MBP: variants seen among roughly 807,000 people sequenced by gnomAD.
MBP encodes the protein myelin basic protein.
Under a neutral mutation model 35.8 loss-of-function variants are expected in MBP, and 16 were observed. That is an observed-to-expected ratio of 0.45 (90% CI 0.30 to 0.68). MBP has a LOEUF of 0.68. Ranked by LOEUF, MBP falls within the 30% of genes least tolerant of loss-of-function variation. MBP has a pLI of 0.08. For synonymous variants in MBP, 143 were observed against 159.6 expected, an observed-to-expected ratio of 0.90 and a Z score of 0.78; for missense variants, 380 against 404.7, an observed-to-expected ratio of 0.94 and a Z score of 0.52.
intron 2 of MBP, among the ~76,000 whole-genome samples, chr18:77,079,800 A>T (rs894091881): frequency 1.3e-5 from 2 of 152,178 alleles, no homozygotes; most frequent in African/African-American, 4.8e-5. Flanking sequence ...GAATAAATTC[A>T]GGTTCTGTGT....
At chr18:77,014,946 T>C (rs1167458975) in intron 4 of MBP, 1 of 984,174 alleles carries the variant, frequency 1.0e-6, no homozygotes, top group Non-Finnish European at 1.2e-6. Flanking sequence ...TTTAAAATTT[T>C]TGAAAGTGTT....
upstream of MBP, chr18:77,133,698 T>G (rs1977359073): frequency 6.6e-6 from 1 of 151,966 alleles, no homozygotes. Flanking sequence ...CCACACAGTT[T>G]GTTAGGAAGT....
At chr18:77,067,415 G>A (rs60967465) in intron 2 of MBP, among the ~76,000 whole-genome samples, 8,149 of 152,238 alleles carry the variant, frequency 0.054, 234 homozygotes, top group South Asian at 0.11. Flanking sequence ...ATGTCGGCAC[G>A]CACAGACTGC....
intron 1 of MBP, among the ~76,000 whole-genome samples, chr18:77,116,815 C>T (rs745707254): frequency 6.6e-6 from 1 of 151,828 alleles, no homozygotes; most frequent in African/African-American, 2.4e-5. Context: ...GGCACTGAGT[C>T]GAGATTGGGC....
chr18:77,014,747 G>A (rs1385329508), intron 4 of MBP: 10 of 985,268 alleles, frequency 1.0e-5, no homozygotes, highest in East Asian at 2.3e-4. Context: ...TCCCCACTGC[G>A]TGCGCTCCCC....
rs569525620 is a variant in MBP, at chr18:77,008,427, C to T, written c.576+8405G>A. The stretch of plus-strand genomic sequence containing the variant: ...TGTTTTCCATCACCAAGAGAGCCCT[C>T]GAAAACCAAGTGCGGCTTCACAACC... On this transcript the variant is annotated intron_variant, in intron 4 of 8. Coordinates refer to ENST00000355994, the MANE Select transcript of MBP (RefSeq NM_001025101.2). 2.0e-4 allele frequency among the ~76,000 whole-genome samples: 30 copies of T among 152,278 alleles called. 1 individual carries two copies. In the South Asian group the frequency reaches 5.8e-3, roughly 29 times the overall value.
intron 4 of MBP, among the ~76,000 whole-genome samples, chr18:77,001,557 A>G (rs879746315): frequency 6.6e-6 from 1 of 152,214 alleles, no homozygotes; most frequent in Non-Finnish European, 1.5e-5. Context: ...ACTTAAGAAA[A>G]TGCCCGTAAG....
intron 1 of MBP, among the ~76,000 whole-genome samples, chr18:77,118,307 C>T (rs943104210): frequency 6.6e-6 from 1 of 151,862 alleles, no homozygotes; most frequent in Admixed American, 6.6e-5. Context: ...GGCCTCAGCC[C>T]GACTGCTTGG....
intron 3 of MBP, among the ~76,000 whole-genome samples, chr18:77,041,000 C>T (rs1447189468): frequency 6.6e-6 from 1 of 151,764 alleles, no homozygotes; most frequent in Non-Finnish European, 1.5e-5. Context: ...AGGCAACCTA[C>T]AGAATGGGAG....
rs938560042 is a variant in MBP, at chr18:77,131,849, C to A, written c.-26+731G>T. ...GGGAAGACCCGGGCGGGCCGGCGGG[C>A]GGCTGCGGGCGGCGCACGTGGGCCC... On this transcript the variant is annotated intron_variant, in intron 1 of 8. Coordinates refer to ENST00000355994, the MANE Select transcript of MBP (RefSeq NM_001025101.2). The surrounding 1 kb of genome is among the most constrained non-coding windows in gnomAD (Gnocchi z 5.5). Among the ~76,000 whole-genome samples, 11 of 152,098 alleles carry A rather than the reference C, an allele frequency of 7.2e-5. No homozygotes were observed. Among genetic ancestry groups the A allele is most frequent in the African/African-American group, 2.6e-4 (11 of 41,524 alleles).
At chr18:77,074,904 C>G (rs1323709406) in intron 2 of MBP, among the ~76,000 whole-genome samples, 1 of 152,200 alleles carries the variant, frequency 6.6e-6, no homozygotes, top group East Asian at 1.9e-4. Context: ...TAGAAAATTA[C>G]AGACAAAAGT....
Position 76,987,527 on chromosome 18 carries a change from TTC to T in MBP, c.750+966_750+967del, listed in dbSNP as rs1309512764. ...CCTCTCTTCCTTCCTCTTCCCCACC[TTC>T]TGTTTTCTTTCCCTGTTCTTTCTTC... On this transcript the variant is annotated intron_variant, in intron 7 of 8. Transcript: ENST00000355994. 14 of 985,746 alleles carry T rather than the reference TTC, an allele frequency of 1.4e-5. No homozygotes were observed. In the East Asian group the frequency reaches 6.8e-4, roughly 48 times the overall value. 61.1% of individuals were successfully genotyped at this position (985,746 alleles called of 1,614,324 possible).
At chr18:77,098,719 G>A (rs1248118321) in intron 2 of MBP, among the ~76,000 whole-genome samples, 1 of 152,186 alleles carries the variant, frequency 6.6e-6, no homozygotes, top group Non-Finnish European at 1.5e-5. Context: ...GCTTGGGAGG[G>A]CTTTGAGGCA....
intron 2 of MBP, among the ~76,000 whole-genome samples, chr18:77,081,794 GTA>G (rs1491478565): frequency 4.1e-5 from 2 of 49,046 alleles, no homozygotes; most frequent in Non-Finnish European, 8.8e-5. Flanking sequence ...ACACACACAC[GTA>G]TATATATATG....
intron 2 of MBP, among the ~76,000 whole-genome samples, chr18:77,100,458 C>T (rs1397114774): frequency 6.6e-6 from 1 of 152,026 alleles, no homozygotes; most frequent in African/African-American, 2.4e-5. Flanking sequence ...AAGTCCCTGG[C>T]TCACAGGAGG....
chr18:76,999,311 C>G (rs967133805), intron 4 of MBP, among the ~76,000 whole-genome samples: 7 of 152,116 alleles, frequency 4.6e-5, no homozygotes, highest in South Asian at 2.1e-4. Flanking sequence ...GGGCCAGCCT[C>G]GCAACCTCCG....
intron 4 of MBP, among the ~76,000 whole-genome samples, chr18:76,997,901 C>T (rs1018658597): frequency 2.6e-5 from 4 of 151,918 alleles, no homozygotes; most frequent in Non-Finnish European, 4.4e-5. Flanking sequence ...CCAGGATGGT[C>T]TCGATCTCCT....
In MBP at chr18:76,995,043, A is replaced by G. The variant is rs559722614; in HGVS notation, c.577-4983T>C. ...ACTAAAAGGACATTTAGTCAATTAT[A>G]TATCTACATCCAAGTAATGAACAAT... On this transcript the variant is annotated intron_variant, in intron 4 of 8. Transcript: ENST00000355994. Among the ~76,000 whole-genome samples the G allele has an allele frequency of 9.1e-4, 139 of 152,362 alleles. 2 individuals carry two copies. The South Asian group carries it at 0.015, about 16-fold the overall frequency.
At position 77,102,710 on chromosome 18, in the gene MBP, A is replaced by C. The variant is rs1976085841; in HGVS notation, c.51+2501T>G. 6.6e-6 allele frequency among the ~76,000 whole-genome samples: 1 copy of C among 152,232 alleles called. No homozygotes were observed. Among genetic ancestry groups the C allele is most frequent in the South Asian group, 2.1e-4 (1 of 4,834 alleles). ...TGTTTTACAGCGTCAAACAACAGGA[A>C]AGAAACTGTACACCACAGAGAGGTT... is the stretch of plus-strand genomic sequence containing the variant. On this transcript the variant is annotated intron_variant, in intron 2 of 8. Transcript: ENST00000355994. The surrounding 1 kb of genome is among the most constrained non-coding windows in gnomAD (Gnocchi z 4.4).
Sources: gnomAD v4.1 joint callset for allele counts (sites outside exome capture counted in the v4.1 genomes callset) on GRCh38, gnomAD v4.1.1 for gene constraint, Gnocchi (gnomAD v3.1) non-coding constraint, MANE v1.5 for transcripts, NCBI Gene and HGNC (gene_info 2026-07-23, HGNC 2026-07-21) for gene names.